ZNF253: variants seen among roughly 807,000 people sequenced by gnomAD.
ZNF253 encodes zinc finger protein 253.
Under a neutral mutation model 11.9 loss-of-function variants are expected in ZNF253, and 8 were observed. The ratio of observed to expected loss-of-function variants is 0.67; its 90% CI spans 0.40 to 1.22. The LOEUF (loss-of-function observed/expected upper bound fraction) is 1.22. ZNF253 is among the 50% of genes most tolerant of loss of function. The probability of loss-of-function intolerance (pLI) is 0.01; values close to 1 mark genes in which losing one functional copy is unlikely to be tolerated. For synonymous variants in ZNF253, 194 were observed against 194.9 expected (o/e 1.00, Z 0.04); for missense variants, 485 against 586.9 (o/e 0.83, Z 1.79).
chr19:19,885,244 TTTCTTTCTTTCTTTC>T lies in ZNF253; in HGVS notation c.226+5101_226+5115del, dbSNP rs1309254106. ...CTTTCTTTCTTTCTTTCTTTCTTTC[TTTCTTTCTTTCTTTC>T]TTTCTTTCTTTCTTTCTTTCTTTCT... On this transcript the variant is annotated intron_variant, in intron 3 of 3. Transcript: ENST00000589717. Among the ~76,000 whole-genome samples the T allele has an allele frequency of 1.1e-4, 7 of 64,474 alleles. No individual in the cohort carries two copies. In the Admixed American group the frequency reaches 1.1e-3, roughly 11 times the overall value. 42.3% of individuals were successfully genotyped at this position (64,474 alleles called of 152,430 possible). A position where few individuals can be genotyped will look rare whatever the true frequency, so the allele number is the denominator to read the frequency against.
At chr19:19,885,223 CTTTCTTTCTT>C (rs1369880296) in intron 3 of ZNF253, among the ~76,000 whole-genome samples, 1 of 43,922 alleles carries the variant, frequency 2.3e-5, no homozygotes, top group South Asian at 7.0e-4. Context: ...TGTATTCTTT[CTTTCTTTCTT>C]TCTTTCTTTC....
chr19:19,880,292 T>G (rs17445260), intron 3 of ZNF253, 146 bp downstream of exon 3: 15,544 of 412,486 alleles, frequency 0.038, 310 homozygotes, highest in East Asian at 0.11. Context: ...TTTTTTTTTT[T>G]CTCCCACAAA....
chr19:19,889,063 C>T lies in ZNF253; in HGVS notation c.227-2411C>T, dbSNP rs1289985190. On this transcript the variant is annotated intron_variant, in intron 3 of 3. Coordinates refer to ENST00000589717, the MANE Select transcript of ZNF253 (RefSeq NM_021047.3). ...ATGACACATCATTTTTATCTTGCAG[C>T]ACCCAAAATTCTTTTCTTATCTGTG... Among the ~76,000 whole-genome samples, 6 of 152,038 alleles carry T rather than the reference C, an allele frequency of 3.9e-5. 1 individual carries two copies. The highest frequency in any genetic ancestry group is 4.1e-4 in the South Asian group (2 of 4,832).
chr19:19,869,737 T>C (rs370471444), intron 1 of ZNF253, among the ~76,000 whole-genome samples: 5 of 146,566 alleles, frequency 3.4e-5, no homozygotes, highest in African/African-American at 1.3e-4. Flanking sequence ...TGGTGTAATC[T>C]TGGCTCACTG....
At chr19:19,882,953 A>G (rs1020113738) in intron 3 of ZNF253, among the ~76,000 whole-genome samples, 1 of 150,954 alleles carries the variant, frequency 6.6e-6, no homozygotes. Context: ...CCCAGGCAAC[A>G]GTGCGAGACT....
chr19:19,878,828 C>A (rs530564210), intron 2 of ZNF253: 5 of 419,306 alleles, frequency 1.2e-5, no homozygotes, highest in Non-Finnish European at 2.1e-5. Context: ...TTCACAATAA[C>A]TAAAAGTGTA....
intron 1 of ZNF253, among the ~76,000 whole-genome samples, chr19:19,868,595 T>C (rs1175422307): frequency 6.6e-6 from 1 of 152,038 alleles, no homozygotes; most frequent in East Asian, 1.9e-4. Flanking sequence ...TTCTGCTTTT[T>C]CCCCCATAAG....
rs1289607086 is a variant in ZNF253 at position 19,892,087 on chromosome 19, A to T, written c.840A>T (p.Gly280=). 6.2e-7 allele frequency: 1 copy of T among 1,613,962 alleles called. No individual in the cohort carries two copies. Among genetic ancestry groups the T allele is most frequent in the Non-Finnish European group, 8.5e-7 (1 of 1,180,032 alleles). Residue 280 remains glycine (G), a synonymous_variant, in exon 4 of 4, where the codon GGA becomes GGT. Coordinates refer to ENST00000589717, the MANE Select transcript of ZNF253 (RefSeq NM_021047.3). ...CTACACATAAGATAGTTCATACTGG[A>T]GAGAAACCCTACAAATGTGAAGAAT... ...DLTTHKIVHT[G]EKPYKCEECG... is the part of the protein sequence containing the mutation.
chr19:19,877,957 G>C (rs1414534135), intron 1 of ZNF253, among the ~76,000 whole-genome samples: 3 of 151,922 alleles, frequency 2.0e-5, no homozygotes, highest in Non-Finnish European at 4.4e-5. Flanking sequence ...AAAAACACAG[G>C]CTCTTCCATT....
At chr19:19,882,787 T>C (rs1445484832) in intron 3 of ZNF253, among the ~76,000 whole-genome samples, 3 of 151,630 alleles carry the variant, frequency 2.0e-5, no homozygotes, top group Admixed American at 1.3e-4. Context: ...CTGGCCAACA[T>C]AGTGAAACCC....
intron 1 of ZNF253, among the ~76,000 whole-genome samples, chr19:19,874,785 G>A (rs2063148106): frequency 6.6e-6 from 1 of 151,892 alleles, no homozygotes; most frequent in Non-Finnish European, 1.5e-5. Context: ...GGTGGTGGGC[G>A]CCTGTAGTCC....
chr19:19,884,638 C>T (rs1443798075), intron 3 of ZNF253, among the ~76,000 whole-genome samples: 1 of 152,064 alleles, frequency 6.6e-6, no homozygotes. Context: ...TCCCAGTGTG[C>T]TATGATTACA....
rs1022314423 is a variant in ZNF253 at position 19,893,934 on chromosome 19, A to G, written c.*1187A>G. 1 of 152,258 alleles carries G rather than the reference A, an allele frequency of 6.6e-6. No homozygotes were observed. Among genetic ancestry groups the G allele is most frequent in the African/African-American group, 2.4e-5 (1 of 41,474 alleles). 9.4% of individuals were successfully genotyped at this position (152,258 alleles called of 1,614,324 possible). A position where few individuals can be genotyped will look rare whatever the true frequency, so the allele number is the denominator to read the frequency against. On this transcript the variant is annotated 3_prime_UTR_variant, in exon 4 of 4. Coordinates refer to ENST00000589717, the MANE Select transcript of ZNF253 (RefSeq NM_021047.3). ...TATTGAGAATAGTACTGCAAATGTA[A>G]TGAATGGAAAGACTTTTCTTTTCCA... is the stretch of plus-strand genomic sequence containing the variant.
In ZNF253 at chr19:19,893,718, C is replaced by T. The variant is rs2063243636; in HGVS notation, c.*971C>T. On this transcript the variant is annotated 3_prime_UTR_variant, in exon 4 of 4. Coordinates refer to ENST00000589717, the MANE Select transcript of ZNF253 (RefSeq NM_021047.3). ...TAATAAAGCATTAAAAGTGCAATTACTGTCAAAAAATCTTTCAGAAAATAG... is the reference window on the plus strand; with the variant it reads ...TAATAAAGCATTAAAAGTGCAATTATTGTCAAAAAATCTTTCAGAAAATAG... 1 of 152,166 alleles carries T rather than the reference C, an allele frequency of 6.6e-6. No individual in the cohort carries two copies. Among genetic ancestry groups the T allele is most frequent in the African/African-American group, 2.4e-5 (1 of 41,438 alleles). The allele number at this position is 152,166 out of a possible 1,614,324, so 9.4% of individuals were successfully genotyped here. A position where few individuals can be genotyped will look rare whatever the true frequency, so the allele number is the denominator to read the frequency against.
At position 19,878,520 on chromosome 19, in the gene ZNF253, C is replaced by T; in HGVS notation, c.43C>T (p.Leu15=). Residue 15 remains leucine, a synonymous_variant, in exon 2 of 4, where the codon CTG becomes TTG. Transcript: ENST00000589717. ...TAGAGATGTGGCCATAGAATTCTCT[C>T]TGGAGGAGTGGCATTGCCTGGACAC... is the stretch of plus-strand genomic sequence containing the variant. ...QFRDVAIEFS[L]EEWHCLDTAQ... 6.2e-7 allele frequency: 1 copy of T among 1,614,020 alleles called. No individual in the cohort carries two copies. The highest frequency in any genetic ancestry group is 8.5e-7 in the Non-Finnish European group (1 of 1,179,976).
At chr19:19,885,072 C>T (rs1022605801) in intron 3 of ZNF253, among the ~76,000 whole-genome samples, 2 of 151,868 alleles carry the variant, frequency 1.3e-5, no homozygotes, top group African/African-American at 2.4e-5. Flanking sequence ...TTCTAAGGGA[C>T]GTTGTCACTC....
intron 3 of ZNF253, among the ~76,000 whole-genome samples, chr19:19,887,847 C>A (rs1440865641): frequency 6.7e-6 from 1 of 149,318 alleles, no homozygotes; most frequent in African/African-American, 2.5e-5. Flanking sequence ...AGTGATTCTC[C>A]TGTCTCAGCC....
At chr19:19,883,163 A>G (rs542735672) in intron 3 of ZNF253, among the ~76,000 whole-genome samples, 1 of 152,276 alleles carries the variant, frequency 6.6e-6, no homozygotes, top group East Asian at 1.9e-4. Flanking sequence ...GTGTTTAATG[A>G]TGAATATATA....
At chr19:19,874,778 G>C (rs1470948535) in intron 1 of ZNF253, among the ~76,000 whole-genome samples, 1 of 152,026 alleles carries the variant, frequency 6.6e-6, no homozygotes, top group Non-Finnish European at 1.5e-5. Context: ...CGGGCGTGGT[G>C]GTGGGCGCCT....
Sources: allele counts gnomAD v4.1 joint callset (sites outside exome capture counted in the v4.1 genomes callset), GRCh38; gene constraint gnomAD v4.1.1; transcripts MANE v1.5; gene names NCBI Gene and HGNC (gene_info 2026-07-23, HGNC 2026-07-21).